The following MICU1 variants were observed in gnomAD, a reference collection of about 807,000 sequenced individuals.
The protein encoded by MICU1 is calcium uptake protein 1, mitochondrial.
MICU1 carries 45 observed loss-of-function variants against 56.8 expected under a neutral mutation model. The observed-to-expected ratio is 0.79, with a 90% CI of 0.62 to 1.02. MICU1 has a LOEUF of 1.02. Among genes scored for constraint, MICU1 ranks in the 50% least tolerant of loss-of-function variants. The pLI, the probability that MICU1 is intolerant of heterozygous loss-of-function variation, is 0.00. For missense variants in MICU1, 504 were observed against 587.1 expected, an observed-to-expected ratio of 0.86 and a Z score of 1.46; for synonymous variants, 186 against 195.1, an observed-to-expected ratio of 0.95 and a Z score of 0.39.
At chr10:72,487,786 G>C (rs939606948) in intron 6 of MICU1, among the ~76,000 whole-genome samples, 2 of 152,168 alleles carry the variant, frequency 1.3e-5, no homozygotes, top group African/African-American at 4.8e-5. Flanking sequence ...CTTTGTGAGA[G>C]CTTCAATGGG....
chr10:72,586,848 G>A (rs1841076595), intron 1 of MICU1, among the ~76,000 whole-genome samples: 1 of 152,160 alleles, frequency 6.6e-6, no homozygotes. Context: ...GAAGACTATG[G>A]CACATGCCTA....
intron 6 of MICU1, 53 bp from the exon 7 acceptor site, chr10:72,477,309 C>A: frequency 7.1e-7 from 1 of 1,398,942 alleles, no homozygotes; most frequent in Non-Finnish European, 9.7e-7. Flanking sequence ...AAATAAATCC[C>A]TTTTTAAAGA....
At chr10:72,539,398 GACCACAATGATATATAAC>G (rs1271773037) in intron 4 of MICU1, among the ~76,000 whole-genome samples, 15 of 152,024 alleles carry the variant, frequency 9.9e-5, no homozygotes, top group African/African-American at 3.6e-4. Context: ...TATCTTTTCT[GACCACAATGATATATAAC>G]TAGAAATAAA....
At chr10:72,393,851 C>T (rs372001162) in intron 10 of MICU1, among the ~76,000 whole-genome samples, 2 of 152,044 alleles carry the variant, frequency 1.3e-5, no homozygotes, top group African/African-American at 4.8e-5. Flanking sequence ...CTGCAATCTC[C>T]GACTCCCTGG....
At chr10:72,609,392 C>T (rs1841777139) in intron 1 of MICU1, among the ~76,000 whole-genome samples, 1 of 152,148 alleles carries the variant, frequency 6.6e-6, no homozygotes, top group East Asian at 1.9e-4. Flanking sequence ...ATAATCTCCA[C>T]GCTTTGGGAG....
chr10:72,622,689 T>A (rs557015593), intron 1 of MICU1, among the ~76,000 whole-genome samples: 1 of 152,218 alleles, frequency 6.6e-6, no homozygotes, highest in Non-Finnish European at 1.5e-5. Flanking sequence ...AGTGGTTACC[T>A]GGTAGTAAGA....
intron 5 of MICU1, chr10:72,523,783 A>C: frequency 3.5e-6 from 5 of 1,445,974 alleles, no homozygotes; most frequent in Non-Finnish European, 4.5e-6. Flanking sequence ...AAGCCTTCAA[A>C]GATCAATTTA....
At chr10:72,523,765 A>C (rs552224414) in intron 5 of MICU1, 2 of 1,337,970 alleles carry the variant, frequency 1.5e-6, no homozygotes. Context: ...ACTACCATTA[A>C]AGAGCCCAAG....
intron 6 of MICU1, chr10:72,477,547 C>A: frequency 6.5e-7 from 1 of 1,535,266 alleles, no homozygotes; most frequent in Non-Finnish European, 8.7e-7. Flanking sequence ...TTCAGAGACA[C>A]CATCTTCTTA....
At chr10:72,592,697 A>G (rs2132530592) in intron 1 of MICU1, among the ~76,000 whole-genome samples, 1 of 152,284 alleles carries the variant, frequency 6.6e-6, no homozygotes, top group South Asian at 2.1e-4. Context: ...TGCAATATAC[A>G]ACATTAACAG....
rs1366397948 is a variant in MICU1, at chr10:72,566,703, G to A, written c.91C>T (p.Arg31Ter). 6 of 1,612,534 alleles carry A rather than the reference G, an allele frequency of 3.7e-6. No homozygotes were observed. The highest frequency in any genetic ancestry group is 4.2e-6 in the Non-Finnish European group (5 of 1,179,312). ...AGGAAAGCCACCATCATTAGTCTTC[G>A]CCGGATCTGGATGGGCTGTGATCCT... ...HGGSQPIQIR[R>*]RLMMVAFLGA... Residue 31 changes from arginine to a stop codon, truncating the protein, a stop_gained, in exon 2 of 12, where the codon CGA becomes TGA. Coordinates refer to ENST00000361114, the MANE Select transcript of MICU1 (RefSeq NM_001195518.2). LOFTEE classifies it high-confidence loss of function.
chr10:72,459,453 C>T (rs1346090398), intron 8 of MICU1, among the ~76,000 whole-genome samples: 1 of 152,178 alleles, frequency 6.6e-6, no homozygotes, highest in Non-Finnish European at 1.5e-5. Flanking sequence ...TGTCTCTTTA[C>T]AACCTTATCT....
chr10:72,552,628 T>G (rs1351217006), intron 3 of MICU1, among the ~76,000 whole-genome samples: 2 of 152,182 alleles, frequency 1.3e-5, no homozygotes, highest in African/African-American at 4.8e-5. Context: ...TGATCTCGGC[T>G]CACTGCAACC....
chr10:72,566,702 C>T lies in MICU1; in HGVS notation c.92G>A (p.Arg31Gln), dbSNP rs1158267099. ...CAGGAAAGCCACCATCATTAGTCTT[C>T]GCCGGATCTGGATGGGCTGTGATCC... ...HGGSQPIQIR[R>Q]RLMMVAFLGA... The change falls in exon 2 of 12, where the codon CGA (arginine) becomes CAA (glutamine). Residue 31 changes from arginine to glutamine, a missense_variant. Arg to Gln is a conservative substitution (Grantham distance 43). Coordinates refer to ENST00000361114, the MANE Select transcript of MICU1 (RefSeq NM_001195518.2). The T allele has an allele frequency of 1.9e-5, 30 of 1,612,626 alleles. No individual in the cohort carries two copies. Among genetic ancestry groups the T allele is most frequent in the African/African-American group, 2.7e-5 (2 of 74,894 alleles).
At chr10:72,587,390 C>A (rs181355558) in intron 1 of MICU1, among the ~76,000 whole-genome samples, 4 of 149,700 alleles carry the variant, frequency 2.7e-5, no homozygotes, top group Admixed American at 1.3e-4. Context: ...TTTCTTGAGC[C>A]CAGGAGTTTG....
chr10:72,530,587 G>C (rs950035369), intron 5 of MICU1, among the ~76,000 whole-genome samples: 2 of 151,900 alleles, frequency 1.3e-5, no homozygotes, highest in Non-Finnish European at 2.9e-5. Flanking sequence ...CTTTATACGA[G>C]ACCTATGATA....
chr10:72,551,101 C>T, intron 4 of MICU1, 78 bp downstream of exon 4: 1 of 1,345,110 alleles, frequency 7.4e-7, no homozygotes, highest in Non-Finnish European at 1.0e-6. Context: ...TGTAAGATTT[C>T]AGTACTATGT....
At chr10:72,434,590 GTTC>G (rs1206332139) in intron 8 of MICU1, among the ~76,000 whole-genome samples, 1 of 152,146 alleles carries the variant, frequency 6.6e-6, no homozygotes, top group Non-Finnish European at 1.5e-5. Context: ...GTTCAAAGAT[GTTC>G]TTCTTTTCAT....
chr10:72,369,207 C>T (rs1023074938), intron 11 of MICU1, among the ~76,000 whole-genome samples: 2 of 151,524 alleles, frequency 1.3e-5, no homozygotes, highest in African/African-American at 4.9e-5. Flanking sequence ...GATTACCACC[C>T]GGTGATTGCG....
Sources: gnomAD v4.1 joint callset for allele counts (sites outside exome capture counted in the v4.1 genomes callset) on GRCh38, gnomAD v4.1.1 for gene constraint, MANE v1.5 for transcripts, NCBI Gene and HGNC (gene_info 2026-07-23, HGNC 2026-07-21) for gene names.